SPMAP2L: variants seen among roughly 807,000 people sequenced by gnomAD.
SPMAP2L encodes sperm microtubule associated protein 2 like.
the SPMAP2L span, among the ~76,000 whole-genome samples, chr4:56,618,351 G>A: frequency 6.6e-6 from 1 of 152,192 alleles, no homozygotes; most frequent in Non-Finnish European, 1.5e-5. Context: ...AGCACAAAAG[G>A]AGCGGACTGC....
At chr4:56,622,767 C>T in the SPMAP2L span, among the ~76,000 whole-genome samples, 45 of 152,246 alleles carry the variant, frequency 3.0e-4, no homozygotes, top group African/African-American at 8.9e-4. Context: ...TCCCTCATGC[C>T]GCACACTGCC....
chr4:56,626,196 A>C, the SPMAP2L span, among the ~76,000 whole-genome samples: 1 of 152,256 alleles, frequency 6.6e-6, no homozygotes, highest in East Asian at 1.9e-4. Flanking sequence ...GGGATGAGAA[A>C]TAAAATATGA....
chr4:56,575,407 C>T, the SPMAP2L span: 1 of 1,341,752 alleles, frequency 7.5e-7, no homozygotes, highest in Non-Finnish European at 1.0e-6. Flanking sequence ...AACTGTCATA[C>T]CTGCTCCCCT....
At chr4:56,589,021 C>T in the SPMAP2L span, among the ~76,000 whole-genome samples, 1 of 151,488 alleles carries the variant, frequency 6.6e-6, no homozygotes, top group Non-Finnish European at 1.5e-5. Context: ...TGGAGTCTTG[C>T]TGTGTCACCC....
chr4:56,543,206 C>T, the SPMAP2L span, among the ~76,000 whole-genome samples: 2 of 151,866 alleles, frequency 1.3e-5, no homozygotes, highest in South Asian at 4.2e-4. Context: ...GCCTCAGCCT[C>T]CCGAGTAGCT....
chr4:56,570,557 A>G, the SPMAP2L span, among the ~76,000 whole-genome samples: 1 of 152,160 alleles, frequency 6.6e-6, no homozygotes. Context: ...CTATGGTATA[A>G]AAGATAAGAA....
At chr4:56,541,622 T>A in the SPMAP2L span, among the ~76,000 whole-genome samples, 1 of 152,188 alleles carries the variant, frequency 6.6e-6, no homozygotes. Context: ...TTGAATATTG[T>A]TTCATCTAGG....
the SPMAP2L span, chr4:56,594,723 A>G: frequency 5.5e-6 from 8 of 1,446,322 alleles, no homozygotes; most frequent in Non-Finnish European, 7.8e-6. Flanking sequence ...GATAAGCACA[A>G]GGAGAACCTA....
chr4:56,601,384 C>T, the SPMAP2L span, among the ~76,000 whole-genome samples: 3 of 151,892 alleles, frequency 2.0e-5, no homozygotes, highest in African/African-American at 7.3e-5. Context: ...TTTGGGAGAC[C>T]AAGGTGGGAG....
chr4:56,552,670 G>A, the SPMAP2L span: 1 of 952,706 alleles, frequency 1.0e-6, no homozygotes, highest in Non-Finnish European at 1.6e-6. Context: ...ACATAAAACA[G>A]GTAAGTATTA....
At chr4:56,580,452 C>T in the SPMAP2L span, among the ~76,000 whole-genome samples, 1 of 151,892 alleles carries the variant, frequency 6.6e-6, no homozygotes, top group Non-Finnish European at 1.5e-5. Flanking sequence ...GCTAAACAAG[C>T]TAGGCATGGA....
chr4:56,552,595 C>T, the SPMAP2L span: 1 of 1,523,326 alleles, frequency 6.6e-7, no homozygotes, highest in South Asian at 1.2e-5. Context: ...GCCTAAAAAG[C>T]AATGGGGAAC....
At chr4:56,533,115 T>G in the SPMAP2L span, among the ~76,000 whole-genome samples, 13 of 152,190 alleles carry the variant, frequency 8.5e-5, no homozygotes, top group Non-Finnish European at 1.5e-4. Flanking sequence ...CCCTCTGTCA[T>G]TCTTGCCTTG....
the SPMAP2L span, among the ~76,000 whole-genome samples, chr4:56,533,810 C>T: frequency 1.9e-4 from 29 of 151,488 alleles, 1 homozygote; most frequent in Admixed American, 1.6e-3. Context: ...TTATTAACCA[C>T]GCATGGTGGC....
the SPMAP2L span, chr4:56,530,683 A>T: frequency 6.5e-7 from 1 of 1,534,150 alleles, no homozygotes; most frequent in Non-Finnish European, 8.7e-7. Context: ...GCGAATGGAG[A>T]ACCAAGAGTT....
chr4:56,540,568 C>A, the SPMAP2L span, among the ~76,000 whole-genome samples: 1 of 149,934 alleles, frequency 6.7e-6, no homozygotes, highest in African/African-American at 2.5e-5. Flanking sequence ...CCATATAATA[C>A]CTTCTGATCA....
the SPMAP2L span, among the ~76,000 whole-genome samples, chr4:56,579,718 G>T: frequency 6.6e-6 from 1 of 152,176 alleles, no homozygotes; most frequent in East Asian, 1.9e-4. Flanking sequence ...GCAGTGGGCT[G>T]TGATTATGTC....
the SPMAP2L span, chr4:56,593,642 C>T: frequency 6.2e-7 from 1 of 1,604,828 alleles, no homozygotes; most frequent in South Asian, 1.1e-5. Flanking sequence ...CTATGGGGGA[C>T]CCCACGCAGC....
chr4:56,594,103 C>G, the SPMAP2L span: 7 of 1,606,906 alleles, frequency 4.4e-6, no homozygotes, highest in Non-Finnish European at 5.1e-6. Context: ...AAGATCTGGA[C>G]GATTTGTTGC....
Sources: allele counts gnomAD v4.1 joint callset (sites outside exome capture counted in the v4.1 genomes callset), GRCh38; gene constraint gnomAD v4.1.1; transcripts MANE v1.5; gene names NCBI Gene and HGNC (gene_info 2026-07-23, HGNC 2026-07-21).